Variants in IDH2 observed in about 807,000 individuals in gnomAD.
IDH2 encodes isocitrate dehydrogenase [NADP], mitochondrial.
IDH2 carries 18 observed loss-of-function variants against 50.5 expected under a neutral mutation model. The observed-to-expected ratio is 0.36, with a 90% CI of 0.25 to 0.53. IDH2 has a LOEUF of 0.53. IDH2 is among the 20% of genes least tolerant of loss of function. IDH2 has a pLI of 0.92. For synonymous variants in IDH2, 280 were observed against 239.8 expected (o/e 1.17, Z -1.55); for missense variants, 518 against 610.7 (o/e 0.85, Z 1.60).
chr15:90,088,992 A>G (rs1900957788), intron 3 of IDH2, among the ~76,000 whole-genome samples: 1 of 135,272 alleles, frequency 7.4e-6, no homozygotes, highest in African/African-American at 2.8e-5. Context: ...TCGGCTCACC[A>G]CAACCTCTGC....
At chr15:90,097,317 TG>T (rs757388696) in intron 1 of IDH2, among the ~76,000 whole-genome samples, 1 of 152,268 alleles carries the variant, frequency 6.6e-6, no homozygotes, top group Non-Finnish European at 1.5e-5. Flanking sequence ...AATCTCTTAC[TG>T]TTCCTAATTC....
chr15:90,087,627 C>A (rs147978726), intron 5 of IDH2, 52 bp from the exon 6 acceptor site: 1 of 1,609,134 alleles, frequency 6.2e-7, no homozygotes, highest in Non-Finnish European at 8.5e-7. Context: ...TGGCGATTGC[C>A]GGCAACCTCC....
At chr15:90,088,329 AG>A (rs758409360) in intron 5 of IDH2, 29 bp downstream of exon 5, 2 of 1,611,066 alleles carry the variant, frequency 1.2e-6, no homozygotes, top group Non-Finnish European at 1.7e-6. Flanking sequence ...CTGGGAGAGG[AG>A]GGGCCCAGGA....
In IDH2 at chr15:90,085,322, C is replaced by G; in HGVS notation, c.1033G>C (p.Glu345Gln). The G allele has an allele frequency of 6.4e-7, 1 of 1,552,994 alleles. No homozygotes were observed. Among genetic ancestry groups the G allele is most frequent in the African/African-American group, 1.4e-5 (1 of 73,312 alleles). The change falls in exon 8 of 11, where the codon GAG (glutamate) becomes CAG (glutamine). Residue 345 changes from glutamate (E) to glutamine (Q), a missense_variant. By Grantham distance (29) the Glu-to-Gln change is conservative. This residue lies in a region of IDH2 where 135 missense variants were observed against 167.6 expected (regional missense o/e 0.81). Coordinates refer to ENST00000330062, the MANE Select transcript of IDH2 (RefSeq NM_002168.4). This position sits in a 1 kb window ranked among gnomAD's most constrained non-coding sequence, Gnocchi z 5.5. ...CGGGTGACGGTCCCATGAGCGGCCTCAGCCTCAATCGTCTTCCCATCAGGG... is the reference window on the plus strand; with the variant it reads ...CGGGTGACGGTCCCATGAGCGGCCTGAGCCTCAATCGTCTTCCCATCAGGG... Reference protein sequence around the residue: ...VCPDGKTIEAEAAHGTVTRHY... With the variant: ...VCPDGKTIEAQAAHGTVTRHY...
At chr15:90,092,346 CT>C (rs1436222294) in intron 1 of IDH2, among the ~76,000 whole-genome samples, 3 of 139,892 alleles carry the variant, frequency 2.1e-5, no homozygotes, top group East Asian at 2.1e-4. Flanking sequence ...TACTTACTTC[CT>C]TTCCTTTCTT....
Position 90,100,640 on chromosome 15 carries a change from G to A in IDH2, c.115+1636C>T, listed in dbSNP as rs1353580594. 1.0e-6 allele frequency: 1 copy of A among 985,284 alleles called. No homozygotes were observed. Among genetic ancestry groups the A allele is most frequent in the Non-Finnish European group, 1.2e-6 (1 of 829,918 alleles). The allele number at this position is 985,284 out of a possible 1,614,324, so 61.0% of individuals were successfully genotyped here. On this transcript the variant is annotated intron_variant, in intron 1 of 10. Transcript: ENST00000330062. The surrounding 1 kb of genome is among the most constrained non-coding windows in gnomAD (Gnocchi z 4.1). ...GCAAAATAGGAAAAGATGCGTGCAG[G>A]AATTACCAGGCAGCAAAGACACGGG... is the stretch of plus-strand genomic sequence containing the variant.
chr15:90,087,081 C>A, intron 7 of IDH2, 31 bp downstream of exon 7: 1 of 1,612,488 alleles, frequency 6.2e-7, no homozygotes, highest in Non-Finnish European at 8.5e-7. Flanking sequence ...AACAGTCCAC[C>A]CCCACAGGGA....
chr15:90,087,355 C>G, intron 6 of IDH2, 84 bp downstream of exon 6: 9 of 1,612,832 alleles, frequency 5.6e-6, no homozygotes, highest in Middle Eastern at 3.3e-4. Context: ...CAAATGCACT[C>G]TAATAGCGAC....
intron 6 of IDH2, 80 bp from the exon 7 acceptor site, chr15:90,087,343 G>T (rs1192646004): frequency 6.2e-7 from 1 of 1,612,098 alleles, no homozygotes; most frequent in East Asian, 2.2e-5. Flanking sequence ...TCGGAGCTGA[G>T]CCAAATGCAC....
chr15:90,101,905 C>T (rs1450593486), intron 1 of IDH2, among the ~76,000 whole-genome samples: 1 of 151,884 alleles, frequency 6.6e-6, no homozygotes, highest in African/African-American at 2.4e-5. Context: ...CTCCAGCCCC[C>T]CACGGGTGCT....
At chr15:90,088,282 AGAAAG>A (rs1293885726) in intron 5 of IDH2, 72 bp downstream of exon 5, 7 of 1,573,598 alleles carry the variant, frequency 4.4e-6, no homozygotes, top group South Asian at 2.2e-5. Context: ...CCATTACAGA[AGAAAG>A]GAAAGCCACG....
chr15:90,084,321 G>A lies in IDH2; in HGVS notation c.1304C>T (p.Thr435Met), dbSNP rs118053940. Residue 435 changes from threonine to methionine, a missense_variant, in exon 11 of 11, where the codon ACG becomes ATG. By Grantham distance (81) the Thr-to-Met change is moderately conservative. Coordinates refer to ENST00000330062, the MANE Select transcript of IDH2 (RefSeq NM_002168.4). This position sits in a 1 kb window ranked among gnomAD's most constrained non-coding sequence, Gnocchi z 5.0. ...GCTCTTGATGGTGTCGAGGAAGTCC[G>A]TGGTGTTCAGGAAGTGCTCGTTCAG... The part of the protein sequence containing the change: ...VKLNEHFLNT[T>M]DFLDTIKSNL... 10,124 of 1,614,042 alleles carry A rather than the reference G, an allele frequency of 6.3e-3. 55 individuals carry two copies. Among genetic ancestry groups the A allele is most frequent in the Non-Finnish European group, 7.9e-3 (9,284 of 1,179,984 alleles).
intron 7 of IDH2, among the ~76,000 whole-genome samples, 188 bp downstream of exon 7, chr15:90,086,924 C>T (rs1211311238): frequency 6.6e-6 from 1 of 152,106 alleles, no homozygotes; most frequent in African/African-American, 2.4e-5. Context: ...AGTCATACAC[C>T]AGTCCAAACC....
At chr15:90,094,801 C>T (rs538534560) in intron 1 of IDH2, among the ~76,000 whole-genome samples, 79 of 152,268 alleles carry the variant, frequency 5.2e-4, no homozygotes, top group African/African-American at 1.8e-3. Flanking sequence ...ACCGAGGAGG[C>T]TGAGGCAGGA....
intron 5 of IDH2, 31 bp from the exon 6 acceptor site, chr15:90,087,606 G>A (rs780339588): frequency 6.8e-6 from 11 of 1,611,992 alleles, no homozygotes; most frequent in Admixed American, 1.7e-5. Flanking sequence ...CCCTGGCGTG[G>A]TGCCCTAGCC....
intron 1 of IDH2, among the ~76,000 whole-genome samples, chr15:90,101,789 G>C (rs1901338924): frequency 6.6e-6 from 1 of 152,166 alleles, no homozygotes; most frequent in Admixed American, 6.5e-5. Context: ...ATCAGCGCGC[G>C]CCTGGCTGAA....
rs1241176887 is a variant in IDH2, at chr15:90,098,994, C to T, written c.115+3282G>A. Among the ~76,000 whole-genome samples, 2 of 152,066 alleles carry T rather than the reference C, an allele frequency of 1.3e-5. No individual in the cohort carries two copies. The highest frequency in any genetic ancestry group is 2.4e-5 in the African/African-American group (1 of 41,412). On this transcript the variant is annotated intron_variant, in intron 1 of 10. Coordinates refer to ENST00000330062, the MANE Select transcript of IDH2 (RefSeq NM_002168.4). The surrounding 1 kb of genome is among the most constrained non-coding windows in gnomAD (Gnocchi z 5.1). Reference sequence around the variant, plus strand: ...GCGTATCTAGATTTTTATGTAAAATCGCCTGAATTGGAACCTTTCCCCACT... The same window carrying T: ...GCGTATCTAGATTTTTATGTAAAATTGCCTGAATTGGAACCTTTCCCCACT...
At position 90,086,708 on chromosome 15, in the gene IDH2, A is replaced by C. The variant is rs141206047; in HGVS notation, c.967+404T>G. Among the ~76,000 whole-genome samples the C allele has an allele frequency of 4.2e-3, 633 of 152,258 alleles. 1 individual carries two copies. Among genetic ancestry groups the C allele is most frequent in the Non-Finnish European group, 5.8e-3 (392 of 68,022 alleles). The stretch of plus-strand genomic sequence containing the variant: ...GACACCCTAGGGCTTGGGGGTTTGC[A>C]GGCTTCCCCAACATTCTCTTCCATC... On this transcript the variant is annotated intron_variant, in intron 7 of 10. Transcript: ENST00000330062.
intron 1 of IDH2, among the ~76,000 whole-genome samples, chr15:90,099,504 G>T (rs1173017883): frequency 6.6e-6 from 1 of 152,194 alleles, no homozygotes; most frequent in African/African-American, 2.4e-5. Context: ...GTCTTGCTTT[G>T]TCACCCAGGC....
Sources: allele counts gnomAD v4.1 joint callset (sites outside exome capture counted in the v4.1 genomes callset), GRCh38; gene constraint gnomAD v4.1.1; regional missense constraint gnomAD v4.1.1; non-coding constraint Gnocchi (gnomAD v3.1); transcripts MANE v1.5; gene names NCBI Gene and HGNC (gene_info 2026-07-23, HGNC 2026-07-21).